The following SGCZ variants were observed in gnomAD, a reference collection of about 807,000 sequenced individuals.
The protein encoded by SGCZ is zeta-sarcoglycan.
In SGCZ, 40 loss-of-function variants were observed where a neutral mutation model predicts 41.3. The observed-to-expected ratio is 0.97, with a 90% CI of 0.75 to 1.26. SGCZ has a LOEUF of 1.26. Ranked by LOEUF, SGCZ falls within the 50% of genes most tolerant of loss-of-function variation. SGCZ has a pLI of 0.00. For synonymous variants in SGCZ, 206 were observed against 137.5 expected (o/e 1.50, Z -3.49); for missense variants, 552 against 369.8 (o/e 1.49, Z -4.04).
At chr8:14,294,012 A>G (rs1800931570) in intron 3 of SGCZ, among the ~76,000 whole-genome samples, 1 of 151,830 alleles carries the variant, frequency 6.6e-6, no homozygotes, top group Non-Finnish European at 1.5e-5. Context: ...ATATATTTAG[A>G]ACACTATTTT....
chr8:14,440,674 T>C (rs1191347750), intron 2 of SGCZ, among the ~76,000 whole-genome samples: 1 of 86,088 alleles, frequency 1.2e-5, no homozygotes, highest in Non-Finnish European at 2.7e-5. Context: ...TCTGTATGTA[T>C]ATACATACGT....
intron 1 of SGCZ, among the ~76,000 whole-genome samples, chr8:15,085,157 T>C (rs1256560376): frequency 1.3e-5 from 2 of 152,078 alleles, no homozygotes; most frequent in Admixed American, 6.6e-5. Context: ...AGACAGCCAA[T>C]AGGAGGTGCA....
In SGCZ at chr8:14,146,928, CAT is replaced by C. The variant is rs1803544603; in HGVS notation, c.547+17650_547+17651del. ...AATAACTACAGCAACTTTTCCAAGACATAGTCAGTACACTAAGGAATAAACAG... is the reference window on the plus strand; with the variant it reads ...AATAACTACAGCAACTTTTCCAAGACAGTCAGTACACTAAGGAATAAACAG... On this transcript the variant is annotated intron_variant, in intron 5 of 7. Coordinates refer to ENST00000382080, the MANE Select transcript of SGCZ (RefSeq NM_139167.4). 2.7e-5 allele frequency among the ~76,000 whole-genome samples: 4 copies of C among 147,552 alleles called. 1 individual carries two copies. The South Asian group carries it at 8.6e-4, about 32-fold the overall frequency.
At position 14,496,487 on chromosome 8, in the gene SGCZ, T is replaced by G. The variant is rs369511158; in HGVS notation, c.234+58245A>C. On this transcript the variant is annotated intron_variant, in intron 2 of 7. Coordinates refer to ENST00000382080, the MANE Select transcript of SGCZ (RefSeq NM_139167.4). The stretch of plus-strand genomic sequence containing the variant: ...ACCCATGGGAGTATTTGGTGCATCT[T>G]ACTACCTCACGTACACCATTCTTTC... Among the ~76,000 whole-genome samples, 16 of 152,284 alleles carry G rather than the reference T, an allele frequency of 1.1e-4. No individual in the cohort carries two copies. In the East Asian group the frequency reaches 2.1e-3, roughly 20 times the overall value.
chr8:15,020,019 T>C (rs148454621), intron 1 of SGCZ, among the ~76,000 whole-genome samples: 44 of 151,992 alleles, frequency 2.9e-4, no homozygotes, highest in African/African-American at 9.7e-4. Flanking sequence ...TAAGTGCATA[T>C]ATTTTATGAG....
chr8:14,904,027 A>G (rs922892520), intron 1 of SGCZ, among the ~76,000 whole-genome samples: 2 of 152,108 alleles, frequency 1.3e-5, no homozygotes, highest in Non-Finnish European at 2.9e-5. Flanking sequence ...AAAAAATTTT[A>G]AAAGTCAACT....
chr8:14,741,706 A>T (rs184454794), intron 1 of SGCZ, among the ~76,000 whole-genome samples: 1 of 152,164 alleles, frequency 6.6e-6, no homozygotes, highest in East Asian at 1.9e-4. Flanking sequence ...TATTTTTCTA[A>T]ATTGCTTTTC....
chr8:14,378,602 A>T (rs1804231721), intron 2 of SGCZ, among the ~76,000 whole-genome samples: 1 of 152,184 alleles, frequency 6.6e-6, no homozygotes, highest in African/African-American at 2.4e-5. Flanking sequence ...AAACAACCCC[A>T]TCAAAAAGTG....
At chr8:14,669,389 A>G (rs28795140) in intron 1 of SGCZ, among the ~76,000 whole-genome samples, 878 of 24,036 alleles carry the variant, frequency 0.037, 6 homozygotes, top group East Asian at 0.033. Context: ...AAGTAAGTAA[A>G]TAAATAAATA....
At chr8:14,598,486 T>C (rs1332931513) in intron 1 of SGCZ, among the ~76,000 whole-genome samples, 1 of 152,014 alleles carries the variant, frequency 6.6e-6, no homozygotes, top group Non-Finnish European at 1.5e-5. Flanking sequence ...ATCATCTCTC[T>C]CTCTCTATAT....
At chr8:15,132,760 T>C (rs2116977199) in intron 1 of SGCZ, among the ~76,000 whole-genome samples, 1 of 152,300 alleles carries the variant, frequency 6.6e-6, no homozygotes, top group East Asian at 1.9e-4. Context: ...ACCATGGCAG[T>C]CAGCAAATGC....
chr8:14,733,916 G>C (rs767101278), intron 1 of SGCZ, among the ~76,000 whole-genome samples: 1 of 152,166 alleles, frequency 6.6e-6, no homozygotes, highest in Non-Finnish European at 1.5e-5. Flanking sequence ...GTAGATACTT[G>C]TCTGGATACT....
intron 2 of SGCZ, among the ~76,000 whole-genome samples, chr8:14,372,322 A>T (rs554334637): frequency 1.3e-5 from 2 of 152,312 alleles, no homozygotes; most frequent in African/African-American, 4.8e-5. Context: ...AACAGTAACT[A>T]TTATAAAGAA....
intron 2 of SGCZ, among the ~76,000 whole-genome samples, chr8:14,458,802 C>T (rs11988245): frequency 0.045 from 6,883 of 152,200 alleles, 484 homozygotes; most frequent in African/African-American, 0.16. Context: ...GGACACCAAA[C>T]ACAGAGCTCT....
chr8:14,925,001 G>T (rs1422041696), intron 1 of SGCZ, among the ~76,000 whole-genome samples: 2 of 151,984 alleles, frequency 1.3e-5, no homozygotes, highest in East Asian at 3.9e-4. Flanking sequence ...GCAATTACAG[G>T]TGCGGGCCTC....
chr8:14,395,406 A>G (rs1798883923), intron 2 of SGCZ, among the ~76,000 whole-genome samples: 1 of 152,166 alleles, frequency 6.6e-6, no homozygotes, highest in South Asian at 2.1e-4. Flanking sequence ...CATATTTAAC[A>G]GGAAGGATTT....
At chr8:14,958,852 G>T (rs575170797) in intron 1 of SGCZ, among the ~76,000 whole-genome samples, 1 of 151,992 alleles carries the variant, frequency 6.6e-6, no homozygotes, top group Non-Finnish European at 1.5e-5. Context: ...CAGAGAAAAA[G>T]ACATAAATAG....
intron 1 of SGCZ, among the ~76,000 whole-genome samples, chr8:15,019,102 C>T (rs967649149): frequency 3.9e-5 from 6 of 152,170 alleles, no homozygotes; most frequent in African/African-American, 1.4e-4. Context: ...AATTACCTCC[C>T]AGCAAGTCCC....
chr8:14,370,192 T>A lies in SGCZ; in HGVS notation c.235-45988A>T, dbSNP rs191226755. On this transcript the variant is annotated intron_variant, in intron 2 of 7. Transcript: ENST00000382080. ...TTTTAAATAGGAAAGACTAAATTGG[T>A]ATAGCAATACAAACTTCTCAGTTCT... Among the ~76,000 whole-genome samples the A allele has an allele frequency of 3.1e-3, 470 of 152,032 alleles. 3 individuals are homozygous for A. The highest frequency in any genetic ancestry group is 0.01 in the African/African-American group (436 of 41,540).
Sources: allele counts gnomAD v4.1 joint callset (sites outside exome capture counted in the v4.1 genomes callset), GRCh38; gene constraint gnomAD v4.1.1; transcripts MANE v1.5; gene names NCBI Gene and HGNC (gene_info 2026-07-23, HGNC 2026-07-21).